The following ENOX1 variants were observed in gnomAD, a reference collection of about 807,000 sequenced individuals.
The protein encoded by ENOX1 is candidate growth-related and time keeping constitutive hydroquinone (NADH) oxidase.
Under a neutral mutation model 82.5 loss-of-function variants are expected in ENOX1, and 42 were observed. The ratio of observed to expected loss-of-function variants is 0.51; its 90% confidence interval spans 0.40 to 0.66. The LOEUF is 0.66. Among genes scored for constraint, ENOX1 ranks in the 30% least tolerant of loss-of-function variants. The pLI, the probability that ENOX1 is intolerant of heterozygous loss-of-function variation, is 0.00. For missense variants in ENOX1, 608 were observed against 811.6 expected (o/e 0.75, Z 3.05); for synonymous variants, 271 against 282.2 (o/e 0.96, Z 0.40).
intron 1 of ENOX1, among the ~76,000 whole-genome samples, chr13:43,702,464 C>T (rs1333751324): frequency 1.3e-5 from 2 of 152,190 alleles, no homozygotes; most frequent in Non-Finnish European, 2.9e-5. Context: ...AGATGGAAAA[C>T]TACTGGCAGG....
At chr13:43,780,329 AT>A (rs1293311046) in intron 1 of ENOX1, among the ~76,000 whole-genome samples, 10 of 151,928 alleles carry the variant, frequency 6.6e-5, no homozygotes, top group South Asian at 2.1e-4. Context: ...AAAAAAAAAA[AT>A]CTTCCCTATG....
At chr13:43,232,093 CTTTTT>C (rs33932346) in intron 15 of ENOX1, among the ~76,000 whole-genome samples, 12 of 109,554 alleles carry the variant, frequency 1.1e-4, no homozygotes, top group African/African-American at 4.0e-4. Flanking sequence ...GCCCAGCTAA[CTTTTT>C]TTTTTTTTTT....
At chr13:43,520,272 C>G (rs1274785478) in intron 2 of ENOX1, among the ~76,000 whole-genome samples, 2 of 152,024 alleles carry the variant, frequency 1.3e-5, no homozygotes, top group East Asian at 1.9e-4. Context: ...AGCCCTTGAG[C>G]CCCTTCCCCA....
At position 43,320,228 on chromosome 13, in the gene ENOX1, A is replaced by G. The variant is rs186594534; in HGVS notation, c.1261+2156T>C. On this transcript the variant is annotated intron_variant, in intron 11 of 16. Transcript: ENST00000690772. ...GTGCTTTCTTCAGAAACCACATGCC[A>G]CATTCTCTGGTCCATCTCGTTTTGA... Among the ~76,000 whole-genome samples the G allele has an allele frequency of 3.9e-3, 601 of 152,310 alleles. 5 individuals carry two copies. Among genetic ancestry groups the G allele is most frequent in the African/African-American group, 0.014 (577 of 41,568 alleles).
At chr13:43,683,678 C>T (rs539078847) in intron 1 of ENOX1, among the ~76,000 whole-genome samples, 46 of 152,158 alleles carry the variant, frequency 3.0e-4, no homozygotes, top group Admixed American at 5.2e-4. Context: ...AAGAAGCCAG[C>T]ACAGGGGTAT....
chr13:43,322,640 A>G, intron 10 of ENOX1, 139 bp from the exon 11 acceptor site: 1 of 685,410 alleles, frequency 1.5e-6, no homozygotes, highest in Non-Finnish European at 2.4e-6. Context: ...ACCTAACCTA[A>G]AGGAGGTTCT....
chr13:43,224,050 T>A lies in ENOX1; in HGVS notation c.1800+3A>T. On this transcript the variant is annotated splice_donor_region_variant and intron_variant, in intron 16 of 16. Transcript: ENST00000690772. ...GAAAGTTCACTCGAGCAAAATAATTTACCTTGGAGTCCAGCTGCTGCATGT... is the reference window on the plus strand; with the variant it reads ...GAAAGTTCACTCGAGCAAAATAATTAACCTTGGAGTCCAGCTGCTGCATGT... The A allele has an allele frequency of 2.5e-6, 4 of 1,612,446 alleles. No homozygotes were observed. The highest frequency in any genetic ancestry group is 3.4e-6 in the Non-Finnish European group (4 of 1,178,650).
At chr13:43,400,475 C>A (rs1281974384) in intron 5 of ENOX1, among the ~76,000 whole-genome samples, 1 of 152,158 alleles carries the variant, frequency 6.6e-6, no homozygotes, top group African/African-American at 2.4e-5. Flanking sequence ...TTTCTGTTTT[C>A]TTTGAGAGAG....
At chr13:43,727,497 G>A (rs973913698) in intron 1 of ENOX1, among the ~76,000 whole-genome samples, 1 of 152,154 alleles carries the variant, frequency 6.6e-6, no homozygotes, top group Non-Finnish European at 1.5e-5. Context: ...TTTAGGCATG[G>A]GGTTCCTGCT....
chr13:43,393,032 T>C (rs61950496), intron 5 of ENOX1, among the ~76,000 whole-genome samples: 5,165 of 152,324 alleles, frequency 0.034, 114 homozygotes, highest in Non-Finnish European at 0.053. Context: ...AAAGCAGGCA[T>C]AGCTCTGTGG....
At position 43,541,173 on chromosome 13, in the gene ENOX1, G is replaced by GTTTTTTTTTTTTTTTT. The variant is rs553504525; in HGVS notation, c.-218-57037_-218-57022dup. On this transcript the variant is annotated intron_variant, in intron 2 of 16. Coordinates refer to ENST00000690772, the MANE Select transcript of ENOX1 (RefSeq NM_001347969.2). ...CTCCAACCTTACACTTCTTCCCTCT[G>GTTTTTTTTTTTTTTTT]TTTTTTTTTTTTTTTTTTTTTTTTT... 4.4e-3 allele frequency among the ~76,000 whole-genome samples: 282 copies of GTTTTTTTTTTTTTTTT among 64,472 alleles called. 52 individuals carry two copies. Among genetic ancestry groups the GTTTTTTTTTTTTTTTT allele is most frequent in the Middle Eastern group, 0.02 (2 of 102 alleles). The allele number at this position is 64,472 out of a possible 152,430, so 42.3% of individuals were successfully genotyped here. A position where few individuals can be genotyped will look rare whatever the true frequency, so the allele number is the denominator to read the frequency against.
intron 1 of ENOX1, among the ~76,000 whole-genome samples, chr13:43,682,654 G>C (rs2085852819): frequency 6.6e-6 from 1 of 152,040 alleles, no homozygotes; most frequent in Non-Finnish European, 1.5e-5. Flanking sequence ...AGCTCAGAAA[G>C]AGTTGAGCCA....
intron 3 of ENOX1, among the ~76,000 whole-genome samples, chr13:43,436,819 G>A (rs2056060554): frequency 6.6e-6 from 1 of 152,062 alleles, no homozygotes; most frequent in African/African-American, 2.4e-5. Flanking sequence ...GGGCTAATAA[G>A]TGTAAGAGAG....
intron 9 of ENOX1, among the ~76,000 whole-genome samples, chr13:43,331,724 TGGA>T (rs1229361660): frequency 2.0e-5 from 3 of 152,138 alleles, no homozygotes; most frequent in Non-Finnish European, 4.4e-5. Flanking sequence ...AGAATTATAA[TGGA>T]GGGAATGCAG....
intron 5 of ENOX1, among the ~76,000 whole-genome samples, chr13:43,378,727 G>A (rs1254951376): frequency 3.9e-5 from 6 of 152,148 alleles, no homozygotes; most frequent in Non-Finnish European, 7.3e-5. Context: ...TCACGGATAT[G>A]AGAATACAAA....
intron 3 of ENOX1, among the ~76,000 whole-genome samples, chr13:43,473,386 A>G (rs557994231): frequency 1.3e-5 from 2 of 152,312 alleles, no homozygotes; most frequent in South Asian, 2.1e-4. Flanking sequence ...GCTAAAATTT[A>G]GGATGGAATT....
At chr13:43,718,642 AC>A (rs2088320639) in intron 1 of ENOX1, among the ~76,000 whole-genome samples, 1 of 124,396 alleles carries the variant, frequency 8.0e-6, no homozygotes, top group Non-Finnish European at 1.6e-5. Context: ...GTGCCACTGC[AC>A]TCCAGCCTGG....
rs762561734 is a variant in ENOX1, at chr13:43,360,057, T to C, written c.383A>G (p.Asn128Ser). The C allele has an allele frequency of 6.2e-7, 1 of 1,613,888 alleles. No individual in the cohort carries two copies. The highest frequency in any genetic ancestry group is 1.3e-5 in the African/African-American group (1 of 75,058). Residue 128 changes from asparagine (N) to serine (S), a missense_variant and splice_region_variant, in exon 7 of 17, where the codon AAT becomes AGT. Asn to Ser is a conservative substitution (Grantham distance 46). Coordinates refer to ENST00000690772, the MANE Select transcript of ENOX1 (RefSeq NM_001347969.2). ...KSCTLFPQNP[N>S]LPPPSTRERP... ...TTCTCTTGTGGAAGGAGGTGGAAGA[T>C]CTAATAATCACAACAAAACAGAAAG...
intron 1 of ENOX1, among the ~76,000 whole-genome samples, chr13:43,672,653 G>A (rs532976676): frequency 5.9e-5 from 9 of 152,162 alleles, no homozygotes; most frequent in African/African-American, 9.6e-5. Flanking sequence ...TCTGCATATC[G>A]TGAGACCTAG....
Sources: allele counts gnomAD v4.1 joint callset (sites outside exome capture counted in the v4.1 genomes callset), GRCh38; gene constraint gnomAD v4.1.1; transcripts MANE v1.5; gene names NCBI Gene and HGNC (gene_info 2026-07-23, HGNC 2026-07-21).